The following RGS20 variants were observed in gnomAD, a reference collection of about 807,000 sequenced individuals.
RGS20 encodes regulator of G protein signaling 20, also known as gz-selective GTPase-activating protein.
Under a neutral mutation model 33.6 loss-of-function variants are expected in RGS20, and 30 were observed. The observed-to-expected ratio is 0.89, with a 90% CI of 0.67 to 1.21. The LOEUF is 1.21. RGS20 is among the 50% of genes most tolerant of loss of function. The pLI is 0.00. For missense variants in RGS20, 472 were observed against 502.4 expected (o/e 0.94, Z 0.58); for synonymous variants, 208 against 197.9 (o/e 1.05, Z -0.43).
chr8:53,877,979 C>T lies in RGS20; in HGVS notation c.166-1279C>T, dbSNP rs1585876779. Among the ~76,000 whole-genome samples the T allele has an allele frequency of 6.6e-6, 1 of 152,188 alleles. No homozygotes were observed. The highest frequency in any genetic ancestry group is 2.4e-5 in the African/African-American group (1 of 41,458). ...ACCGCGCCAGGCCCACGAGGCCGCTCGCGACCGCTCCCGCCTTCAGGACCC... is the reference window on the plus strand; with the variant it reads ...ACCGCGCCAGGCCCACGAGGCCGCTTGCGACCGCTCCCGCCTTCAGGACCC... On this transcript the variant is annotated intron_variant, in intron 1 of 5. Transcript: ENST00000297313. This position sits in a 1 kb window ranked among gnomAD's most constrained non-coding sequence, Gnocchi z 5.7.
chr8:53,952,581 C>T (rs1026583283), intron 4 of RGS20, among the ~76,000 whole-genome samples: 2 of 151,606 alleles, frequency 1.3e-5, no homozygotes, highest in Admixed American at 1.3e-4. Context: ...AAAAAATTAC[C>T]CGGGTGTGGT....
intron 1 of RGS20, among the ~76,000 whole-genome samples, chr8:53,875,154 G>A (rs1238522202): frequency 6.6e-6 from 1 of 152,112 alleles, no homozygotes; most frequent in Non-Finnish European, 1.5e-5. Flanking sequence ...ATCTCCAGCA[G>A]GGCATGGTGG....
At chr8:53,942,324 G>A (rs1050513466) in intron 3 of RGS20, among the ~76,000 whole-genome samples, 1 of 152,090 alleles carries the variant, frequency 6.6e-6, no homozygotes, top group Non-Finnish European at 1.5e-5. Context: ...CAGGCATGGT[G>A]GCGCACACCT....
chr8:53,857,920 G>T (rs1811714923), intron 1 of RGS20, among the ~76,000 whole-genome samples: 1 of 152,002 alleles, frequency 6.6e-6, no homozygotes, highest in African/African-American at 2.4e-5. Context: ...TAGATGAGAT[G>T]ATGGATATGT....
At chr8:53,922,139 T>C (rs1813666031) in intron 2 of RGS20, among the ~76,000 whole-genome samples, 1 of 152,168 alleles carries the variant, frequency 6.6e-6, no homozygotes, top group Non-Finnish European at 1.5e-5. Context: ...TGTCGGTTTT[T>C]CCCTTCAATT....
At chr8:53,882,783 C>G (rs764653489) in intron 2 of RGS20, among the ~76,000 whole-genome samples, 2 of 152,166 alleles carry the variant, frequency 1.3e-5, no homozygotes, top group Non-Finnish European at 2.9e-5. Flanking sequence ...CGCCCACTGG[C>G]TAGCGGAATT....
At chr8:53,953,520 C>CA (rs34123353) in intron 4 of RGS20, among the ~76,000 whole-genome samples, 102,017 of 148,014 alleles carry the variant, frequency 0.69, 35,714 homozygotes, top group East Asian at 0.85. Context: ...GACTCTGTCT[C>CA]AAAAAAAAAA....
chr8:53,886,708 A>G (rs1362987579), intron 2 of RGS20, among the ~76,000 whole-genome samples: 2 of 152,172 alleles, frequency 1.3e-5, no homozygotes, highest in Admixed American at 6.5e-5. Flanking sequence ...TGGTTTGTCT[A>G]CATTTGTGCC....
chr8:53,912,170 T>C (rs1007014748), intron 2 of RGS20, among the ~76,000 whole-genome samples: 1 of 152,132 alleles, frequency 6.6e-6, no homozygotes, highest in Non-Finnish European at 1.5e-5. Flanking sequence ...TTTGAAGTGC[T>C]TCACCAGTAT....
intron 3 of RGS20, among the ~76,000 whole-genome samples, chr8:53,940,644 C>T (rs1178298706): frequency 6.6e-6 from 1 of 152,214 alleles, no homozygotes; most frequent in Non-Finnish European, 1.5e-5. Flanking sequence ...GGCTAGTATT[C>T]ATTTCCAAGA....
At chr8:53,954,719 A>G (rs1335005822) in intron 5 of RGS20, among the ~76,000 whole-genome samples, 17 of 136,452 alleles carry the variant, frequency 1.2e-4, no homozygotes, top group Admixed American at 3.8e-4. Context: ...ATGGAGTCTC[A>G]CTCTGTCGCC....
In RGS20 at chr8:53,880,870, G is replaced by C; in HGVS notation, c.510+1268G>C. ...AAAGGAGTGAGGGGGCGGGGAGGAG[G>C]CAGAGCAAGGGGAGGAAGAGGCCGG... On this transcript the variant is annotated intron_variant, in intron 2 of 5. Transcript: ENST00000297313. 6.9e-7 allele frequency: 1 copy of C among 1,446,160 alleles called. No individual in the cohort carries two copies. The highest frequency in any genetic ancestry group is 9.1e-7 in the Non-Finnish European group (1 of 1,097,916). The allele number at this position is 1,446,160 out of a possible 1,614,324, so 89.6% of individuals were successfully genotyped here.
At chr8:53,882,124 A>G (rs1365683701) in intron 2 of RGS20, among the ~76,000 whole-genome samples, 1 of 151,964 alleles carries the variant, frequency 6.6e-6, no homozygotes, top group African/African-American at 2.4e-5. Flanking sequence ...GCCCTGAGAG[A>G]AGCGGCTAGC....
At chr8:53,936,825 C>T (rs1022408126) in intron 2 of RGS20, among the ~76,000 whole-genome samples, 5 of 152,306 alleles carry the variant, frequency 3.3e-5, no homozygotes, top group Non-Finnish European at 2.9e-5. Context: ...GGAGGCATCA[C>T]GCTACCTGAC....
chr8:53,891,083 C>T (rs1223690661), intron 2 of RGS20, among the ~76,000 whole-genome samples: 1 of 152,140 alleles, frequency 6.6e-6, no homozygotes, highest in Admixed American at 6.6e-5. Context: ...TTGAGGAAGT[C>T]CTTGTTACTG....
intron 2 of RGS20, among the ~76,000 whole-genome samples, chr8:53,938,989 G>A (rs1202955083): frequency 1.3e-5 from 2 of 152,136 alleles, no homozygotes; most frequent in African/African-American, 2.4e-5. Flanking sequence ...TGTACCAGGC[G>A]GGGTTCTGAA....
Position 53,902,750 on chromosome 8 carries a change from G to C in RGS20, c.510+23148G>C, listed in dbSNP as rs189854480. Among the ~76,000 whole-genome samples, 506 of 151,782 alleles carry C rather than the reference G, an allele frequency of 3.3e-3. 2 individuals carry two copies. Among genetic ancestry groups the C allele is most frequent in the African/African-American group, 0.012 (482 of 41,370 alleles). On this transcript the variant is annotated intron_variant, in intron 2 of 5. Transcript: ENST00000297313. ...TTGGTTCTTTTTTTTTTTGGAGACG[G>C]AGTCTCCCTCTGTCGCCCAGGCTAG...
intron 4 of RGS20, among the ~76,000 whole-genome samples, chr8:53,948,250 G>A (rs1215549258): frequency 2.9e-5 from 4 of 137,034 alleles, no homozygotes; most frequent in African/African-American, 5.3e-5. Context: ...ATATATGATA[G>A]TATATATACT....
chr8:53,906,254 C>T (rs1025546259), intron 2 of RGS20, among the ~76,000 whole-genome samples: 1 of 152,040 alleles, frequency 6.6e-6, no homozygotes, highest in Non-Finnish European at 1.5e-5. Context: ...CACGTGCCTA[C>T]AGTCCTAGCT....
Sources: allele counts gnomAD v4.1 joint callset (sites outside exome capture counted in the v4.1 genomes callset), GRCh38; gene constraint gnomAD v4.1.1; non-coding constraint Gnocchi (gnomAD v3.1); transcripts MANE v1.5; gene names NCBI Gene and HGNC (gene_info 2026-07-23, HGNC 2026-07-21).